Variants in ENTREP2 observed in about 807,000 individuals in gnomAD.
The protein encoded by ENTREP2 is endosomal transmembrane epsin interactor 2.
chr15:29,194,880 C>T, the ENTREP2 span, among the ~76,000 whole-genome samples: 355 of 152,262 alleles, frequency 2.3e-3, 2 homozygotes, highest in Non-Finnish European at 3.5e-3. Context: ...AACTGAGGAA[C>T]GGGAGGTAAC....
chr15:29,559,803 C>G, the ENTREP2 span, among the ~76,000 whole-genome samples: 3 of 152,174 alleles, frequency 2.0e-5, no homozygotes, highest in African/African-American at 7.2e-5. Context: ...TTAACCGAAT[C>G]ACATCCGCAA....
At chr15:29,376,907 G>A in the ENTREP2 span, 1 of 152,288 alleles carries the variant, frequency 6.6e-6, no homozygotes, top group Non-Finnish European at 1.5e-5. Flanking sequence ...CAGCCAGCCA[G>A]GCCTGCAGGG....
At chr15:29,160,708 CAAAAAAAAAAAA>C in the ENTREP2 span, among the ~76,000 whole-genome samples, 2 of 36,266 alleles carry the variant, frequency 5.5e-5, no homozygotes, top group Non-Finnish European at 1.1e-4. Flanking sequence ...GACTCTGTCT[CAAAAAAAAAAAA>C]AAAAAAAAAA....
chr15:29,637,562 G>C, the ENTREP2 span, among the ~76,000 whole-genome samples: 19 of 152,192 alleles, frequency 1.2e-4, no homozygotes, highest in Non-Finnish European at 2.6e-4. Flanking sequence ...GAGTGAGAGA[G>C]TGAGTGTCCT....
At chr15:29,426,978 T>C in the ENTREP2 span, among the ~76,000 whole-genome samples, 1 of 152,086 alleles carries the variant, frequency 6.6e-6, no homozygotes, top group Non-Finnish European at 1.5e-5. Context: ...AGGAAATAAG[T>C]GATGAGAGAA....
chr15:29,643,795 A>AAAAG, the ENTREP2 span, among the ~76,000 whole-genome samples: 68 of 148,122 alleles, frequency 4.6e-4, no homozygotes, highest in African/African-American at 1.5e-3. Flanking sequence ...AAAAAAAAAA[A>AAAAG]AAAGAAAGAA....
the ENTREP2 span, among the ~76,000 whole-genome samples, chr15:29,408,545 C>A: frequency 6.6e-6 from 1 of 152,144 alleles, no homozygotes; most frequent in African/African-American, 2.4e-5. Context: ...AATCTGCAAT[C>A]TCCTTTCAGT....
the ENTREP2 span, among the ~76,000 whole-genome samples, chr15:29,549,493 A>G: frequency 6.6e-6 from 1 of 152,046 alleles, no homozygotes. Context: ...GATGGTCTCA[A>G]TCTCCTGACC....
the ENTREP2 span, among the ~76,000 whole-genome samples, chr15:29,413,209 T>C: frequency 5.9e-5 from 9 of 152,154 alleles, no homozygotes; most frequent in Non-Finnish European, 1.2e-4. Context: ...TTCTTAAAGA[T>C]AGTCCCTGTT....
At chr15:29,170,307 C>CAAAAAAAAAAAA in the ENTREP2 span, among the ~76,000 whole-genome samples, 1 of 57,370 alleles carries the variant, frequency 1.7e-5, no homozygotes, top group Non-Finnish European at 2.9e-5. Context: ...GACTCCATCT[C>CAAAAAAAAAAAA]AAAAAAAAAA....
At chr15:29,227,471 A>G in the ENTREP2 span, among the ~76,000 whole-genome samples, 3 of 152,122 alleles carry the variant, frequency 2.0e-5, no homozygotes, top group Admixed American at 2.0e-4. Flanking sequence ...TTAGGGTGCA[A>G]GGGTCTGCGA....
the ENTREP2 span, among the ~76,000 whole-genome samples, chr15:29,133,371 C>T: frequency 1.3e-5 from 2 of 152,192 alleles, no homozygotes; most frequent in Non-Finnish European, 2.9e-5. Context: ...CTCAGGAGCC[C>T]TGGGGGTGGG....
the ENTREP2 span, among the ~76,000 whole-genome samples, chr15:29,250,515 G>A: frequency 4.7e-4 from 72 of 152,266 alleles, no homozygotes; most frequent in Admixed American, 1.3e-3. Flanking sequence ...TGCAGTCTGC[G>A]ATGTGGGAAA....
At chr15:29,263,937 G>A in the ENTREP2 span, among the ~76,000 whole-genome samples, 25 of 152,004 alleles carry the variant, frequency 1.6e-4, no homozygotes, top group African/African-American at 4.6e-4. Context: ...AGTGGATCAC[G>A]AGGTCAGGAG....
At chr15:29,673,763 A>G in the ENTREP2 span, among the ~76,000 whole-genome samples, 1 of 152,234 alleles carries the variant, frequency 6.6e-6, no homozygotes, top group Admixed American at 6.5e-5. Context: ...AAAACAATAA[A>G]CCAAGTTCCT....
the ENTREP2 span, among the ~76,000 whole-genome samples, chr15:29,546,111 T>C: frequency 5.3e-5 from 8 of 152,200 alleles, no homozygotes; most frequent in Non-Finnish European, 1.0e-4. Context: ...AGGAGACTTC[T>C]GATATGACAC....
chr15:29,368,002 CAAAA>C, the ENTREP2 span, among the ~76,000 whole-genome samples: 3 of 99,012 alleles, frequency 3.0e-5, no homozygotes, highest in Non-Finnish European at 4.3e-5. Context: ...CATATTCAGG[CAAAA>C]AAAAAAAAAA....
At chr15:29,444,168 G>C in the ENTREP2 span, among the ~76,000 whole-genome samples, 4,677 of 62,426 alleles carry the variant, frequency 0.075, 562 homozygotes, top group African/African-American at 0.25. Flanking sequence ...AAGAAAGACA[G>C]ACAAAGAAAG....
the ENTREP2 span, among the ~76,000 whole-genome samples, chr15:29,561,631 T>C: frequency 1.3e-5 from 2 of 151,994 alleles, no homozygotes; most frequent in Admixed American, 6.6e-5. Context: ...GAGCTTGCAG[T>C]GAGCCGAGAC....
Sources: allele counts gnomAD v4.1 joint callset (sites outside exome capture counted in the v4.1 genomes callset), GRCh38; gene constraint gnomAD v4.1.1; transcripts MANE v1.5; gene names NCBI Gene and HGNC (gene_info 2026-07-23, HGNC 2026-07-21).